The following SERP1 variants were observed in gnomAD, a reference collection of about 807,000 sequenced individuals.
SERP1 encodes the protein stress-associated endoplasmic reticulum protein 1.
A neutral mutation model predicts 8.8 loss-of-function variants in SERP1; 6 were observed. That is an observed-to-expected ratio of 0.68 (90% CI 0.37 to 1.35). The LOEUF (loss-of-function observed/expected upper bound fraction) is 1.35, where lower values mean the gene tolerates loss of function less well. SERP1 is among the 40% of genes most tolerant of loss of function. The pLI, the probability that SERP1 is intolerant of heterozygous loss-of-function variation, is 0.02. For synonymous variants in SERP1, 36 were observed against 28.7 expected (o/e 1.25, Z -0.81); for missense variants, 52 against 86.2 (o/e 0.60, Z 1.57).
intron 1 of SERP1, 88 bp downstream of exon 1, chr3:150,545,964 C>A: frequency 6.4e-7 from 1 of 1,552,642 alleles, no homozygotes. Context: ...CACGGTCGGC[C>A]GGATCCGGGA....
chr3:150,542,016 TTAATG>T lies in SERP1; in HGVS notation c.*2437_*2441del, dbSNP rs936445491. The T allele has an allele frequency of 1.3e-5, 2 of 152,220 alleles. No individual in the cohort carries two copies. Among genetic ancestry groups the T allele is most frequent in the African/African-American group, 2.4e-5 (1 of 41,452 alleles). 9.4% of individuals were successfully genotyped at this position (152,220 alleles called of 1,614,324 possible). The stretch of plus-strand genomic sequence containing the variant: ...CCTGCAGTTGACTATCCACATTTCT[TTAATG>T]TAAGTCAAAGCCCATCACAATGCAT... On this transcript the variant is annotated 3_prime_UTR_variant, in exon 3 of 3. Transcript: ENST00000239944.
In SERP1 at chr3:150,542,870, C is replaced by G. The variant is rs1215906066; in HGVS notation, c.*1588G>C. ...AATTAGTTAACCAAGACACTTGTTT[C>G]AAAAAGGGAAACAAGTACAGAGACT... On this transcript the variant is annotated 3_prime_UTR_variant, in exon 3 of 3. Transcript: ENST00000239944. 2 of 152,478 alleles carry G rather than the reference C, an allele frequency of 1.3e-5. No homozygotes were observed. The highest frequency in any genetic ancestry group is 4.8e-5 in the African/African-American group (2 of 41,400). The allele number at this position is 152,478 out of a possible 1,614,324, so 9.4% of individuals were successfully genotyped here. A position where few individuals can be genotyped will look rare whatever the true frequency, so the allele number is the denominator to read the frequency against.
intron 2 of SERP1, among the ~76,000 whole-genome samples, chr3:150,545,044 T>C (rs1351371160): frequency 6.6e-6 from 1 of 152,114 alleles, no homozygotes; most frequent in African/African-American, 2.4e-5. Context: ...TATTAACAGC[T>C]TGCATATTAA....
intron 2 of SERP1, 41 bp from the exon 3 acceptor site, chr3:150,544,539 A>AGATTCTCCATTTAG (rs1559869670): frequency 6.7e-7 from 1 of 1,496,670 alleles, no homozygotes; most frequent in Non-Finnish European, 9.3e-7. Flanking sequence ...AGCTTTGAAT[A>AGATTCTCCATTTAG]AAATAGGTCT....
Position 150,546,319 on chromosome 3 carries a change from G to A in SERP1, c.-184C>T, listed in dbSNP as rs1317229313. ...CAAGCGCGAGGTCTGAGCACAAGCC[G>A]GGCGCCGGCCGCCGACTGACTGACC... On this transcript the variant is annotated 5_prime_UTR_variant, in exon 1 of 3. Coordinates refer to ENST00000239944, the MANE Select transcript of SERP1 (RefSeq NM_014445.4). 2 of 638,506 alleles carry A rather than the reference G, an allele frequency of 3.1e-6. No homozygotes were observed. The highest frequency in any genetic ancestry group is 5.2e-6 in the Non-Finnish European group (2 of 386,638). The allele number at this position is 638,506 out of a possible 1,614,324, so 39.6% of individuals were successfully genotyped here.
rs940669318 is a variant in SERP1 at position 150,544,325 on chromosome 3, C to T, written c.*133G>A. 3 of 827,166 alleles carry T rather than the reference C, an allele frequency of 3.6e-6. No homozygotes were observed. The African/African-American group carries it at 5.1e-5, about 14-fold the overall frequency. The allele number at this position is 827,166 out of a possible 1,614,324, so 51.2% of individuals were successfully genotyped here. On this transcript the variant is annotated 3_prime_UTR_variant, in exon 3 of 3. Transcript: ENST00000239944. ...CTCATGAAGAAACCTTGGAATGACA[C>T]ATGAAGCATGATAGGAAAGTCATTC...
rs772721682 is a variant in SERP1 at position 150,543,346 on chromosome 3, A to C, written c.*1112T>G. 6.6e-6 allele frequency: 1 copy of C among 152,560 alleles called. No individual in the cohort carries two copies. Among genetic ancestry groups the C allele is most frequent in the African/African-American group, 2.4e-5 (1 of 41,420 alleles). 9.5% of individuals were successfully genotyped at this position (152,560 alleles called of 1,614,324 possible). Reference sequence around the variant, plus strand: ...GTAAATTTGATCAATCATAACCTATAAAGTCATATAACAAAGGGAAGACTA... The same window carrying C: ...GTAAATTTGATCAATCATAACCTATCAAGTCATATAACAAAGGGAAGACTA... On this transcript the variant is annotated 3_prime_UTR_variant, in exon 3 of 3. Transcript: ENST00000239944.
Position 150,546,266 on chromosome 3 carries a change from T to C in SERP1, c.-131A>G. The C allele has an allele frequency of 2.0e-6, 2 of 1,014,018 alleles. No individual in the cohort carries two copies. Among genetic ancestry groups the C allele is most frequent in the Non-Finnish European group, 2.9e-6 (2 of 697,986 alleles). The allele number at this position is 1,014,018 out of a possible 1,614,324, so 62.8% of individuals were successfully genotyped here. A position where few individuals can be genotyped will look rare whatever the true frequency, so the allele number is the denominator to read the frequency against. ...GCGCCGAGGTTCTCAGGCCAGACGC[T>C]AGCTACGGCCGCTGGGCCTGGGCGC... On this transcript the variant is annotated 5_prime_UTR_variant, in exon 1 of 3. Transcript: ENST00000239944.
At chr3:150,544,555 C>CT in intron 2 of SERP1, 57 bp from the exon 3 acceptor site, 1 of 1,374,550 alleles carries the variant, frequency 7.3e-7, no homozygotes, top group East Asian at 2.3e-5. Flanking sequence ...GGTCTGGTGT[C>CT]TAACAAATAT....
At position 150,542,529 on chromosome 3, in the gene SERP1, T is replaced by C. The variant is rs1224021210; in HGVS notation, c.*1929A>G. The C allele has an allele frequency of 6.6e-6, 1 of 152,244 alleles. No individual in the cohort carries two copies. Among genetic ancestry groups the C allele is most frequent in the Non-Finnish European group, 1.5e-5 (1 of 68,026 alleles). The allele number at this position is 152,244 out of a possible 1,614,324, so 9.4% of individuals were successfully genotyped here. On this transcript the variant is annotated 3_prime_UTR_variant, in exon 3 of 3. Transcript: ENST00000239944. ...AAAGCATCAAATATTCAGGGAACTT[T>C]ATTTTTAAAGAATAAATCAAGTAAG...
In SERP1 at chr3:150,546,277, G is replaced by A; in HGVS notation, c.-142C>T. 3 of 919,146 alleles carry A rather than the reference G, an allele frequency of 3.3e-6. No homozygotes were observed. The highest frequency in any genetic ancestry group is 2.7e-5 in the East Asian group (1 of 37,308). The allele number at this position is 919,146 out of a possible 1,614,324, so 56.9% of individuals were successfully genotyped here. On this transcript the variant is annotated 5_prime_UTR_variant, in exon 1 of 3. Coordinates refer to ENST00000239944, the MANE Select transcript of SERP1 (RefSeq NM_014445.4). Reference sequence around the variant, plus strand: ...CTCAGGCCAGACGCTAGCTACGGCCGCTGGGCCTGGGCGCCGCAAGCGCGA... The same window carrying A: ...CTCAGGCCAGACGCTAGCTACGGCCACTGGGCCTGGGCGCCGCAAGCGCGA...
rs1722891203 is a variant in SERP1 at position 150,542,274 on chromosome 3, C to T, written c.*2184G>A. 6.6e-6 allele frequency: 1 copy of T among 152,194 alleles called. No individual in the cohort carries two copies. The highest frequency in any genetic ancestry group is 2.4e-5 in the African/African-American group (1 of 41,466). 9.4% of individuals were successfully genotyped at this position (152,194 alleles called of 1,614,324 possible). ...AAAGGGAGATCAAAGAATTGTGCTT[C>T]ATCTTGAGCTTGAATTGGATGACAA... On this transcript the variant is annotated 3_prime_UTR_variant, in exon 3 of 3. Transcript: ENST00000239944.
At chr3:150,545,219 G>A (rs1722955716) in intron 2 of SERP1, among the ~76,000 whole-genome samples, 1 of 152,026 alleles carries the variant, frequency 6.6e-6, no homozygotes, top group Non-Finnish European at 1.5e-5. Context: ...ACATTAAAAT[G>A]CCAATCAGGT....
chr3:150,544,155 T>C lies in SERP1; in HGVS notation c.*303A>G. On this transcript the variant is annotated 3_prime_UTR_variant, in exon 3 of 3. Coordinates refer to ENST00000239944, the MANE Select transcript of SERP1 (RefSeq NM_014445.4). Reference sequence around the variant, plus strand: ...AGAGTTAGACTAATTGTTCATACTGTTTTAATAACCACATAAAAAAACTTA... The same window carrying C: ...AGAGTTAGACTAATTGTTCATACTGCTTTAATAACCACATAAAAAAACTTA... 3.1e-6 allele frequency: 1 copy of C among 319,680 alleles called. No individual in the cohort carries two copies. The highest frequency in any genetic ancestry group is 5.5e-5 in the East Asian group (1 of 18,344). The allele number at this position is 319,680 out of a possible 1,614,324, so 19.8% of individuals were successfully genotyped here.
In SERP1 at chr3:150,543,641, C is replaced by T. The variant is rs1470953684; in HGVS notation, c.*817G>A. The T allele has an allele frequency of 6.6e-6, 1 of 152,456 alleles. No individual in the cohort carries two copies. The highest frequency in any genetic ancestry group is 2.4e-5 in the African/African-American group (1 of 41,380). The allele number at this position is 152,456 out of a possible 1,614,324, so 9.4% of individuals were successfully genotyped here. ...TAGAATTTTGTTTGGCATAGTAAAC[C>T]CCTTTGATATATTAAAATAGTTCTG... On this transcript the variant is annotated 3_prime_UTR_variant, in exon 3 of 3. Transcript: ENST00000239944.
Position 150,546,404 on chromosome 3 carries a change from T to TCGCCGCCGCTTTGGCCGC in SERP1, c.-287_-270dup. On this transcript the variant is annotated 5_prime_UTR_variant, in exon 1 of 3. Transcript: ENST00000239944. ...CCGCCGGGTCGTTCTCGCGCCGCCG[T>TCGCCGCCGCTTTGGCCGC]CGCCGCCGCTTTGGCCGCCGCCGTG... is the stretch of plus-strand genomic sequence containing the variant. 1.8e-6 allele frequency: 1 copy of TCGCCGCCGCTTTGGCCGC among 555,928 alleles called. No individual in the cohort carries two copies. The highest frequency in any genetic ancestry group is 3.1e-5 in the East Asian group (1 of 32,172). 34.4% of individuals were successfully genotyped at this position (555,928 alleles called of 1,614,324 possible).
In SERP1 at chr3:150,542,496, T is replaced by G. The variant is rs1576580726; in HGVS notation, c.*1962A>C. 6.6e-6 allele frequency: 1 copy of G among 152,202 alleles called. No individual in the cohort carries two copies. The highest frequency in any genetic ancestry group is 2.4e-5 in the African/African-American group (1 of 41,438). The allele number at this position is 152,202 out of a possible 1,614,324, so 9.4% of individuals were successfully genotyped here. A position where few individuals can be genotyped will look rare whatever the true frequency, so the allele number is the denominator to read the frequency against. On this transcript the variant is annotated 3_prime_UTR_variant, in exon 3 of 3. Coordinates refer to ENST00000239944, the MANE Select transcript of SERP1 (RefSeq NM_014445.4). ...CAGATAACTGTAAAATCATTTCCGT[T>G]TAGAAGAAAAGCATCAAATATTCAG...
rs747491084 is a variant in SERP1 at position 150,545,673 on chromosome 3, C to G, written c.160+30G>C. On this transcript the variant is annotated intron_variant, in intron 2 of 2. Transcript: ENST00000239944. Reference sequence around the variant, plus strand: ...TCCCAAATCCTTTCAACCCAAGACTCTACCTGATGGGAGCCCCCAAGCCAC... The same window carrying G: ...TCCCAAATCCTTTCAACCCAAGACTGTACCTGATGGGAGCCCCCAAGCCAC... The G allele has an allele frequency of 1.9e-6, 3 of 1,584,812 alleles. No individual in the cohort carries two copies. The Admixed American group carries it at 5.3e-5, about 28-fold the overall frequency.
At chr3:150,544,963 G>A (rs191632550) in intron 2 of SERP1, among the ~76,000 whole-genome samples, 1 of 152,302 alleles carries the variant, frequency 6.6e-6, no homozygotes, top group East Asian at 1.9e-4. Flanking sequence ...AAGTGAAGAA[G>A]AAAGGCAAAG....
Sources: gnomAD v4.1 joint callset for allele counts (sites outside exome capture counted in the v4.1 genomes callset) on GRCh38, gnomAD v4.1.1 for gene constraint, MANE v1.5 for transcripts, NCBI Gene and HGNC (gene_info 2026-07-23, HGNC 2026-07-21) for gene names.